Variants in NELL1 observed in about 807,000 individuals in gnomAD.
NELL1 encodes protein kinase C-binding protein NELL1.
Under a neutral mutation model 107.4 loss-of-function variants are expected in NELL1, and 76 were observed. The ratio of observed to expected loss-of-function variants is 0.71; its 90% confidence interval spans 0.59 to 0.86. The LOEUF (loss-of-function observed/expected upper bound fraction) is 0.86. Ranked by LOEUF, NELL1 falls within the 40% of genes least tolerant of loss-of-function variation. The pLI is 0.00. For missense variants in NELL1, 1,024 were observed against 1,005.5 expected (o/e 1.02, Z -0.25); for synonymous variants, 353 against 341.2 (o/e 1.03, Z -0.38).
chr11:20,819,818 G>C (rs1250841996), intron 3 of NELL1, among the ~76,000 whole-genome samples: 2 of 152,292 alleles, frequency 1.3e-5, no homozygotes, highest in East Asian at 1.9e-4. Context: ...AATATGGTAA[G>C]TACAGCAACT....
chr11:21,216,382 G>C (rs1857613640), intron 13 of NELL1, among the ~76,000 whole-genome samples: 1 of 152,208 alleles, frequency 6.6e-6, no homozygotes, highest in African/African-American at 2.4e-5. Context: ...GCTTAGTGGA[G>C]CTATGAGAAG....
intron 15 of NELL1, 148 bp from the exon 16 acceptor site, chr11:21,534,226 G>T (rs1181510653): frequency 2.5e-6 from 2 of 800,808 alleles, no homozygotes; most frequent in Non-Finnish European, 4.0e-6. Flanking sequence ...TGGAAAATAT[G>T]GGATTTGCTT....
At chr11:20,832,003 T>C (rs868250807) in intron 3 of NELL1, among the ~76,000 whole-genome samples, 13 of 152,304 alleles carry the variant, frequency 8.5e-5, no homozygotes, top group South Asian at 6.2e-4. Flanking sequence ...GGGGTGGGAA[T>C]GTTTAGTCAT....
chr11:21,284,200 C>T, intron 14 of NELL1: 1 of 456,466 alleles, frequency 2.2e-6, no homozygotes, highest in South Asian at 1.5e-5. Context: ...TGCATACCAC[C>T]CTAGATCTCT....
intron 2 of NELL1, among the ~76,000 whole-genome samples, chr11:20,721,225 ATATTTTGTT>A (rs1297346291): frequency 6.2e-3 from 363 of 58,300 alleles, no homozygotes; most frequent in East Asian, 0.043. Flanking sequence ...GTTTATATAT[ATATTTTGTT>A]TATATATATA....
chr11:21,039,246 T>C (rs4923285), intron 12 of NELL1, among the ~76,000 whole-genome samples: 147,354 of 152,016 alleles, frequency 0.97, 71,565 homozygotes, highest in East Asian at 1. Flanking sequence ...AGTGCACTGG[T>C]GCAATCTCGG....
At chr11:21,250,682 T>G (rs1429892679) in intron 14 of NELL1, among the ~76,000 whole-genome samples, 2 of 152,218 alleles carry the variant, frequency 1.3e-5, no homozygotes, top group African/African-American at 4.8e-5. Flanking sequence ...AATTGTATTA[T>G]CTTGAGCAAA....
chr11:21,462,268 T>C (rs965884990), intron 15 of NELL1, among the ~76,000 whole-genome samples: 1 of 152,136 alleles, frequency 6.6e-6, no homozygotes, highest in Admixed American at 6.6e-5. Flanking sequence ...TACATTTCAT[T>C]TGAAATTTTA....
At chr11:20,764,137 A>T (rs2133960860) in intron 2 of NELL1, among the ~76,000 whole-genome samples, 1 of 152,366 alleles carries the variant, frequency 6.6e-6, no homozygotes, top group Non-Finnish European at 1.5e-5. Flanking sequence ...ACTGATTCCA[A>T]GGCACACACA....
chr11:21,097,694 G>A (rs1157888952), intron 12 of NELL1, among the ~76,000 whole-genome samples: 1 of 152,148 alleles, frequency 6.6e-6, no homozygotes, highest in African/African-American at 2.4e-5. Flanking sequence ...GAATAAGAAA[G>A]TTGAGTTTGA....
At chr11:21,390,409 A>G (rs868561761) in intron 15 of NELL1, among the ~76,000 whole-genome samples, 5 of 150,146 alleles carry the variant, frequency 3.3e-5, no homozygotes, top group African/African-American at 7.3e-5. Flanking sequence ...TTACATTACT[A>G]TTTCTAGAGT....
At chr11:20,794,202 A>G (rs1857127935) in intron 3 of NELL1, among the ~76,000 whole-genome samples, 1 of 152,216 alleles carries the variant, frequency 6.6e-6, no homozygotes, top group Non-Finnish European at 1.5e-5. Context: ...AATTCAGCCT[A>G]GCATTGTGCC....
intron 2 of NELL1, among the ~76,000 whole-genome samples, chr11:20,693,080 T>C (rs1326418221): frequency 1.3e-5 from 2 of 151,928 alleles, no homozygotes; most frequent in African/African-American, 2.4e-5. Context: ...TGGTTTAAAG[T>C]CTGTTTTATC....
chr11:20,749,857 A>T (rs536241195), intron 2 of NELL1, among the ~76,000 whole-genome samples: 62 of 152,138 alleles, frequency 4.1e-4, no homozygotes, highest in Admixed American at 9.8e-4. Flanking sequence ...CATTTTTCTC[A>T]ACATAAAATT....
intron 2 of NELL1, among the ~76,000 whole-genome samples, chr11:20,726,285 GT>G (rs967606499): frequency 2.0e-5 from 3 of 152,062 alleles, no homozygotes; most frequent in African/African-American, 7.2e-5. Context: ...TCAAATGGTA[GT>G]TTTTTTATTA....
At chr11:21,192,848 C>A (rs1023553719) in intron 13 of NELL1, among the ~76,000 whole-genome samples, 1 of 151,894 alleles carries the variant, frequency 6.6e-6, no homozygotes. Flanking sequence ...GATGTTTCAA[C>A]TCCCCACTGG....
At chr11:20,783,205 G>A (rs377290773) in intron 2 of NELL1, among the ~76,000 whole-genome samples, 105 of 152,322 alleles carry the variant, frequency 6.9e-4, no homozygotes, top group African/African-American at 2.4e-3. Context: ...CATGGAAAAA[G>A]TGAAATTGGA....
chr11:21,472,725 A>T (rs560960880), intron 15 of NELL1, among the ~76,000 whole-genome samples: 3 of 151,960 alleles, frequency 2.0e-5, no homozygotes, highest in East Asian at 1.9e-4. Flanking sequence ...TATGCTGTTG[A>T]TATCTGCTGA....
chr11:21,546,717 A>G (rs1856452393), intron 16 of NELL1, among the ~76,000 whole-genome samples: 1 of 152,022 alleles, frequency 6.6e-6, no homozygotes. Flanking sequence ...TTTTCTTTGT[A>G]AATTACGCAG....
Sources: allele counts gnomAD v4.1 joint callset (sites outside exome capture counted in the v4.1 genomes callset), GRCh38; gene constraint gnomAD v4.1.1; transcripts MANE v1.5; gene names NCBI Gene and HGNC (gene_info 2026-07-23, HGNC 2026-07-21).